Variants in CGNL1 observed in about 807,000 individuals in gnomAD.
The protein encoded by CGNL1 is cingulin-like protein 1.
A neutral mutation model predicts 141.2 loss-of-function variants in CGNL1; 132 were observed. The observed-to-expected ratio is 0.93, with a 90% CI of 0.81 to 1.08. The LOEUF (loss-of-function observed/expected upper bound fraction) is 1.08, where lower values mean the gene tolerates loss of function less well. CGNL1 is among the 50% of genes least tolerant of loss of function. The pLI is 0.00. For synonymous variants in CGNL1, 690 were observed against 622.1 expected (o/e 1.11, Z -1.63); for missense variants, 1,870 against 1,588.6 (o/e 1.18, Z -3.01).
intron 1 of CGNL1, among the ~76,000 whole-genome samples, chr15:57,421,192 C>T (rs1223050432): frequency 6.6e-6 from 1 of 152,188 alleles, no homozygotes; most frequent in Non-Finnish European, 1.5e-5. Context: ...AGGAAGAGAG[C>T]CCTCACCAGG....
intron 8 of CGNL1, among the ~76,000 whole-genome samples, chr15:57,473,702 G>A (rs1011907691): frequency 2.6e-5 from 4 of 151,970 alleles, no homozygotes; most frequent in East Asian, 1.9e-4. Flanking sequence ...AGCAGCCTGC[G>A]AAAAACCCCA....
At chr15:57,493,057 A>T (rs1319180135) in intron 8 of CGNL1, among the ~76,000 whole-genome samples, 11 of 152,202 alleles carry the variant, frequency 7.2e-5, no homozygotes, top group Admixed American at 6.5e-5. Context: ...TATGATTCTG[A>T]GGTCTGGTTT....
At chr15:57,421,397 G>A (rs1239417729) in intron 1 of CGNL1, among the ~76,000 whole-genome samples, 3 of 151,928 alleles carry the variant, frequency 2.0e-5, no homozygotes, top group East Asian at 1.9e-4. Flanking sequence ...TTCCTAATTC[G>A]TTTTCTACCC....
At chr15:57,543,637 G>A in intron 14 of CGNL1, 59 bp from the exon 15 acceptor site, 1 of 1,460,322 alleles carries the variant, frequency 6.8e-7, no homozygotes, top group South Asian at 1.1e-5. Flanking sequence ...CACCATTTCA[G>A]TACAAAAGAT....
At chr15:57,416,111 T>C (rs748909543) in intron 1 of CGNL1, among the ~76,000 whole-genome samples, 4 of 152,150 alleles carry the variant, frequency 2.6e-5, no homozygotes, top group Admixed American at 1.3e-4. Flanking sequence ...TGTACTACAA[T>C]TGAAAAGGTA....
chr15:57,448,991 T>C (rs920329821), intron 4 of CGNL1, among the ~76,000 whole-genome samples: 1 of 152,152 alleles, frequency 6.6e-6, no homozygotes, highest in African/African-American at 2.4e-5. Flanking sequence ...TATTAGGGAG[T>C]GTCTATTTAA....
intron 1 of CGNL1, among the ~76,000 whole-genome samples, chr15:57,395,084 C>A (rs1293363171): frequency 6.6e-6 from 1 of 152,214 alleles, no homozygotes; most frequent in African/African-American, 2.4e-5. Flanking sequence ...GCACTCCAGC[C>A]TGGATGACAG....
At chr15:57,506,134 G>A (rs2064098408) in intron 8 of CGNL1, among the ~76,000 whole-genome samples, 1 of 152,220 alleles carries the variant, frequency 6.6e-6, no homozygotes, top group Admixed American at 6.5e-5. Context: ...GTAAAGCCAT[G>A]TGGTCTGTCT....
intron 1 of CGNL1, among the ~76,000 whole-genome samples, chr15:57,407,471 G>A (rs567666970): frequency 2.0e-5 from 3 of 152,118 alleles, no homozygotes; most frequent in Non-Finnish European, 4.4e-5. Context: ...CCAGGAGTTT[G>A]AGACCAGCCT....
At chr15:57,424,133 C>T (rs1595688883) in intron 1 of CGNL1, among the ~76,000 whole-genome samples, 2 of 152,214 alleles carry the variant, frequency 1.3e-5, no homozygotes, top group African/African-American at 2.4e-5. Context: ...CTGCCCTCCG[C>T]GTCTCCCACT....
chr15:57,439,388 G>A lies in CGNL1; in HGVS notation c.1389G>A (p.Gln463=), dbSNP rs766791931. The change falls in exon 2 of 19, where the codon CAG becomes CAA. Residue 463 remains glutamine (Q), a synonymous_variant. Coordinates refer to ENST00000281282, the MANE Select transcript of CGNL1 (RefSeq NM_032866.5). ...CATGTGCCCACTCCAGGCCTCCCCAGCCGAACATAGATGGGAAAGTTCTGG... is the reference window on the plus strand; with the variant it reads ...CATGTGCCCACTCCAGGCCTCCCCAACCGAACATAGATGGGAAAGTTCTGG... ...GASCAHSRPP[Q]PNIDGKVLET... 1.9e-6 allele frequency: 3 copies of A among 1,614,204 alleles called. No homozygotes were observed. The highest frequency in any genetic ancestry group is 2.2e-5 in the East Asian group (1 of 44,882).
At position 57,546,115 on chromosome 15, in the gene CGNL1, G is replaced by C; in HGVS notation, c.3649G>C (p.Glu1217Gln). Reference sequence around the variant, plus strand: ...GAAAGCCATGAAGCGGCAGGTGGAGGAGGCTGAGGAGGAAATCGACAGACT... The same window carrying C: ...GAAAGCCATGAAGCGGCAGGTGGAGCAGGCTGAGGAGGAAATCGACAGACT... ...RLKAMKRQVEEAEEEIDRLES... is the reference protein window; with the variant it reads ...RLKAMKRQVEQAEEEIDRLES... Residue 1217 changes from glutamate (E) to glutamine (Q), a missense_variant, in exon 18 of 19, where the codon GAG becomes CAG. Physicochemically the swap from Glu to Gln is conservative, Grantham distance 29 (BLOSUM62 2). Coordinates refer to ENST00000281282, the MANE Select transcript of CGNL1 (RefSeq NM_032866.5). The C allele has an allele frequency of 6.2e-7, 1 of 1,614,006 alleles. No homozygotes were observed. Among genetic ancestry groups the C allele is most frequent in the Non-Finnish European group, 8.5e-7 (1 of 1,179,990 alleles).
chr15:57,438,052 A>G lies in CGNL1; in HGVS notation c.53A>G (p.His18Arg). 1.2e-6 allele frequency: 2 copies of G among 1,614,042 alleles called. No individual in the cohort carries two copies. The highest frequency in any genetic ancestry group is 1.1e-5 in the South Asian group (1 of 91,082). ...CATGTGCAGCAGGAATATGGGGTCC[A>G]TCTGAGACTCGCAAGTGATGATACC... ...YQHVQQEYGV[H>R]LRLASDDTQK... The change falls in exon 2 of 19, where the codon CAT (histidine) becomes CGT (arginine). Residue 18 changes from histidine (H) to arginine (R), a missense_variant. His to Arg is a conservative substitution (Grantham distance 29). Transcript: ENST00000281282.
At position 57,526,355 on chromosome 15, in the gene CGNL1, G is replaced by A. The variant is rs73423550; in HGVS notation, c.3039+1604G>A. ...CCTTGACTAAGTTGGTAGAGTGATG[G>A]AGTTGTTTAAAACAAAAGTGAATTA... On this transcript the variant is annotated intron_variant, in intron 12 of 18. Coordinates refer to ENST00000281282, the MANE Select transcript of CGNL1 (RefSeq NM_032866.5). 9.3e-3 allele frequency among the ~76,000 whole-genome samples: 1,420 copies of A among 151,998 alleles called. 21 individuals are homozygous for A. The highest frequency in any genetic ancestry group is 0.032 in the African/African-American group (1,310 of 41,462).
intron 14 of CGNL1, among the ~76,000 whole-genome samples, chr15:57,534,924 C>T (rs1354054128): frequency 1.3e-5 from 2 of 152,212 alleles, no homozygotes; most frequent in African/African-American, 4.8e-5. Flanking sequence ...TCACAAGCTC[C>T]TTTGCGGAAT....
intron 13 of CGNL1, among the ~76,000 whole-genome samples, chr15:57,530,104 C>A (rs1388738127): frequency 2.0e-5 from 3 of 152,218 alleles, no homozygotes; most frequent in Non-Finnish European, 4.4e-5. Flanking sequence ...GGAGGAAGAA[C>A]CTTTGGAGTA....
chr15:57,435,963 A>G (rs567067114), intron 1 of CGNL1, among the ~76,000 whole-genome samples: 381 of 152,296 alleles, frequency 2.5e-3, no homozygotes, highest in Non-Finnish European at 4.3e-3. Flanking sequence ...TCTGACCACA[A>G]TACAGGTAGA....
In CGNL1 at chr15:57,438,513, A is replaced by G; in HGVS notation, c.514A>G (p.Ser172Gly). The change falls in exon 2 of 19, where the codon AGT becomes GGT. Residue 172 changes from serine (S) to glycine (G), a missense_variant. Coordinates refer to ENST00000281282, the MANE Select transcript of CGNL1 (RefSeq NM_032866.5). ...LNLQNHQPSE[S>G]NWLKTLTEEG... Reference sequence around the variant, plus strand: ...TTTACAAAATCACCAGCCTTCTGAGAGTAATTGGCTAAAAACGTTGACAGA... The same window carrying G: ...TTTACAAAATCACCAGCCTTCTGAGGGTAATTGGCTAAAAACGTTGACAGA... 2 of 1,614,178 alleles carry G rather than the reference A, an allele frequency of 1.2e-6. No individual in the cohort carries two copies. The highest frequency in any genetic ancestry group is 1.7e-6 in the Non-Finnish European group (2 of 1,180,048).
chr15:57,416,106 T>A (rs990341503), intron 1 of CGNL1, among the ~76,000 whole-genome samples: 11 of 152,232 alleles, frequency 7.2e-5, no homozygotes, highest in Admixed American at 5.2e-4. Context: ...TTGAGTGTAC[T>A]ACAATTGAAA....
Sources: allele counts gnomAD v4.1 joint callset (sites outside exome capture counted in the v4.1 genomes callset), GRCh38; gene constraint gnomAD v4.1.1; transcripts MANE v1.5; gene names NCBI Gene and HGNC (gene_info 2026-07-23, HGNC 2026-07-21).